NFASC: variants seen among roughly 807,000 people sequenced by gnomAD.
The protein encoded by NFASC is neurofascin.
NFASC carries 43 observed loss-of-function variants against 147.5 expected under a neutral mutation model. The observed-to-expected ratio is 0.29, with a 90% CI of 0.23 to 0.38. The LOEUF (loss-of-function observed/expected upper bound fraction) is 0.38, where lower values mean the gene tolerates loss of function less well. Ranked by LOEUF, NFASC falls within the 10% of genes least tolerant of loss-of-function variation. The pLI, the probability that NFASC is intolerant of heterozygous loss-of-function variation, is 1.00. For synonymous variants in NFASC, 622 were observed against 665.5 expected (o/e 0.93, Z 1.01); for missense variants, 1,320 against 1,689.0 (o/e 0.78, Z 3.83).
chr1:204,961,597 C>T (rs2150122986), intron 8 of NFASC, among the ~76,000 whole-genome samples: 1 of 152,376 alleles, frequency 6.6e-6, no homozygotes, highest in South Asian at 2.1e-4. Context: ...TCAATGACCT[C>T]CTCCCATTTA....
At chr1:205,013,638 G>T (rs971723071) in intron 29 of NFASC, among the ~76,000 whole-genome samples, 3 of 152,182 alleles carry the variant, frequency 2.0e-5, no homozygotes, top group Non-Finnish European at 4.4e-5. Flanking sequence ...CAACATTGTT[G>T]TGGGTCCATG....
rs778825300 is a variant in NFASC, at chr1:204,986,071, T to C, written c.2471-1347T>C. ...TGGTTGTGGTCAATGGGAGAGGTGA[T>C]GGGCCTCGCAGTGAGACCAAGGAGT... On this transcript the variant is annotated intron_variant, in intron 21 of 29. Coordinates refer to ENST00000339876, the MANE Select transcript of NFASC (RefSeq NM_001005388.3). This position sits in a 1 kb window ranked among gnomAD's most constrained non-coding sequence, Gnocchi z 4.2. 6 of 1,614,154 alleles carry C rather than the reference T, an allele frequency of 3.7e-6. No homozygotes were observed. The highest frequency in any genetic ancestry group is 3.3e-5 in the South Asian group (3 of 91,082).
chr1:204,938,236 A>G (rs533445442), intron 2 of NFASC, among the ~76,000 whole-genome samples: 12 of 152,242 alleles, frequency 7.9e-5, no homozygotes, highest in Non-Finnish European at 1.8e-4. Context: ...AAGGAAAAAC[A>G]GAAAAGCAGG....
intron 1 of NFASC, among the ~76,000 whole-genome samples, chr1:204,916,389 T>C (rs1453392451): frequency 1.3e-5 from 2 of 152,286 alleles, no homozygotes; most frequent in Non-Finnish European, 2.9e-5. Flanking sequence ...TGTGATTTCA[T>C]TCATCTTTAA....
intron 1 of NFASC, among the ~76,000 whole-genome samples, chr1:204,845,816 C>A (rs548534480): frequency 6.6e-6 from 1 of 151,948 alleles, no homozygotes; most frequent in Non-Finnish European, 1.5e-5. Context: ...GCAGGAGGAT[C>A]GCTTGAGCCC....
chr1:204,851,617 G>A (rs1268975398), intron 1 of NFASC, among the ~76,000 whole-genome samples: 1 of 152,074 alleles, frequency 6.6e-6, no homozygotes, highest in African/African-American at 2.4e-5. Flanking sequence ...AGAGTCATGA[G>A]CCACCACACC....
In NFASC at chr1:205,016,210, T is replaced by C; in HGVS notation, c.3492-98T>C. On this transcript the variant is annotated intron_variant, in intron 29 of 29. Coordinates refer to ENST00000339876, the MANE Select transcript of NFASC (RefSeq NM_001005388.3). The surrounding 1 kb of genome is among the most constrained non-coding windows in gnomAD (Gnocchi z 5.1). ...GCGGGGGCTGGACTGGGCGGTCTCCTGGATCCCATCCTCTCTGAGCTGTGT... is the reference window on the plus strand; with the variant it reads ...GCGGGGGCTGGACTGGGCGGTCTCCCGGATCCCATCCTCTCTGAGCTGTGT... 1.2e-6 allele frequency: 1 copy of C among 849,890 alleles called. No homozygotes were observed. The highest frequency in any genetic ancestry group is 2.0e-6 in the Non-Finnish European group (1 of 505,586). The allele number at this position is 849,890 out of a possible 1,614,324, so 52.6% of individuals were successfully genotyped here.
At chr1:204,964,801 G>A (rs1206602566) in intron 8 of NFASC, among the ~76,000 whole-genome samples, 1 of 152,198 alleles carries the variant, frequency 6.6e-6, no homozygotes, top group African/African-American at 2.4e-5. Context: ...GAGGTCCTCA[G>A]ATACGTCTGA....
chr1:204,839,349 G>T (rs1674611718), intron 1 of NFASC, among the ~76,000 whole-genome samples: 1 of 146,564 alleles, frequency 6.8e-6, no homozygotes, highest in African/African-American at 2.5e-5. Context: ...AAAGGGAGAG[G>T]AAAGGCAGGC....
intron 27 of NFASC, among the ~76,000 whole-genome samples, chr1:205,007,023 G>T (rs1238042930): frequency 6.6e-6 from 1 of 152,054 alleles, no homozygotes; most frequent in African/African-American, 2.4e-5. Flanking sequence ...AAGAATAGAG[G>T]GGCTTGAAGT....
At position 204,979,623 on chromosome 1, in the gene NFASC, C is replaced by T; in HGVS notation, c.2176+64C>T. 11 of 1,433,416 alleles carry T rather than the reference C, an allele frequency of 7.7e-6. No homozygotes were observed. Among genetic ancestry groups the T allele is most frequent in the Non-Finnish European group, 1.1e-5 (11 of 1,017,796 alleles). 88.8% of individuals were successfully genotyped at this position (1,433,416 alleles called of 1,614,324 possible). ...CCGCACCCCAAACTCACACTGAGAT[C>T]CCCCCATTCCCAGCCATGTGAACTT... On this transcript the variant is annotated intron_variant, in intron 19 of 29. Transcript: ENST00000339876. The surrounding 1 kb of genome is among the most constrained non-coding windows in gnomAD (Gnocchi z 6.0).
intron 2 of NFASC, among the ~76,000 whole-genome samples, chr1:204,934,640 G>T (rs1426167655): frequency 6.6e-6 from 1 of 152,180 alleles, no homozygotes; most frequent in African/African-American, 2.4e-5. Flanking sequence ...TACTGAAGAT[G>T]ACCACAGGGT....
In NFASC at chr1:204,981,829, A is replaced by T; in HGVS notation, c.2279A>T (p.Asn760Ile). 6.3e-7 allele frequency: 1 copy of T among 1,582,834 alleles called. No individual in the cohort carries two copies. The highest frequency in any genetic ancestry group is 8.6e-7 in the Non-Finnish European group (1 of 1,163,106). Residue 760 changes from asparagine (N) to isoleucine (I), a missense_variant, in exon 21 of 30, where the codon AAC (asparagine) becomes ATC (isoleucine). Asn to Ile is a moderately radical substitution (Grantham distance 149). This residue lies in a region of NFASC where 981 missense variants were observed against 1,289.5 expected (regional missense o/e 0.76). Coordinates refer to ENST00000339876, the MANE Select transcript of NFASC (RefSeq NM_001005388.3). Reference protein sequence around the residue: ...PMNATSAFGPNLRYIVKWRRR... With the variant: ...PMNATSAFGPILRYIVKWRRR... ...AATGCCACCTCGGCCTTTGGCCCCA[A>T]CCTGCGCTACATTGTCAAGTGGAGG...
intron 2 of NFASC, among the ~76,000 whole-genome samples, chr1:204,926,573 C>T (rs1476643606): frequency 2.0e-5 from 3 of 149,946 alleles, no homozygotes; most frequent in Admixed American, 2.0e-4. Flanking sequence ...GCCACCATGC[C>T]CGGCTAATTT....
intron 1 of NFASC, among the ~76,000 whole-genome samples, chr1:204,844,511 T>C (rs1558487682): frequency 6.6e-6 from 1 of 152,192 alleles, no homozygotes; most frequent in African/African-American, 2.4e-5. Flanking sequence ...AGTTTTTGCC[T>C]AAAAAGCCCT....
chr1:204,878,158 A>G (rs955610782), intron 1 of NFASC, among the ~76,000 whole-genome samples: 1 of 152,234 alleles, frequency 6.6e-6, no homozygotes, highest in African/African-American at 2.4e-5. Context: ...TTTATCAAAC[A>G]TCTACTAGGT....
At chr1:204,974,393 A>T in intron 13 of NFASC, 103 bp downstream of exon 13, 1 of 922,308 alleles carries the variant, frequency 1.1e-6, no homozygotes, top group Non-Finnish European at 1.7e-6. Context: ...TGGGAATCTT[A>T]AAGGGTCAAA....
At chr1:204,960,856 G>C (rs1420454822) in intron 8 of NFASC, among the ~76,000 whole-genome samples, 1 of 152,208 alleles carries the variant, frequency 6.6e-6, no homozygotes, top group African/African-American at 2.4e-5. Flanking sequence ...CATCTTAAGA[G>C]AGAGTTCTGA....
intron 1 of NFASC, among the ~76,000 whole-genome samples, chr1:204,857,105 G>C (rs1267376893): frequency 1.3e-5 from 2 of 152,226 alleles, no homozygotes; most frequent in Admixed American, 6.5e-5. Context: ...GAAATGCTAA[G>C]CTGTTTTCTA....
Sources: gnomAD v4.1 joint callset for allele counts (sites outside exome capture counted in the v4.1 genomes callset) on GRCh38, gnomAD v4.1.1 for gene constraint, gnomAD v4.1.1 regional missense constraint, Gnocchi (gnomAD v3.1) non-coding constraint, MANE v1.5 for transcripts, NCBI Gene and HGNC (gene_info 2026-07-23, HGNC 2026-07-21) for gene names.